The following THRB variants were observed in gnomAD, a reference collection of about 807,000 sequenced individuals.
THRB encodes the protein thyroid hormone receptor beta, also known as nuclear receptor subfamily 1 group A member 2.
Under a neutral mutation model 47.8 loss-of-function variants are expected in THRB, and 12 were observed. That is an observed-to-expected ratio of 0.25 (90% CI 0.16 to 0.41). THRB has a LOEUF of 0.41. Among genes scored for constraint, THRB ranks in the 10% least tolerant of loss-of-function variants. The probability of loss-of-function intolerance (pLI) is 1.00; values close to 1 mark genes in which losing one functional copy is unlikely to be tolerated. For synonymous variants in THRB, 218 were observed against 212.2 expected, an observed-to-expected ratio of 1.03 and a Z score of -0.24; for missense variants, 348 against 589.2, an observed-to-expected ratio of 0.59 and a Z score of 4.24.
intron 1 of THRB, among the ~76,000 whole-genome samples, chr3:24,340,897 T>C (rs926588706): frequency 5.3e-5 from 8 of 152,170 alleles, no homozygotes; most frequent in Non-Finnish European, 1.2e-4. Context: ...AAGCTGTAAA[T>C]CTTCTGATAC....
intron 1 of THRB, among the ~76,000 whole-genome samples, chr3:24,475,726 T>C (rs574532519): frequency 4.6e-5 from 7 of 152,238 alleles, no homozygotes; most frequent in African/African-American, 1.7e-4. Flanking sequence ...GCAAATTATT[T>C]TAAAATTTCC....
chr3:24,367,565 T>C (rs942487712), intron 1 of THRB, among the ~76,000 whole-genome samples: 3 of 152,190 alleles, frequency 2.0e-5, no homozygotes, highest in African/African-American at 7.2e-5. Flanking sequence ...TTCTATGCCA[T>C]CTAGAACTGA....
At chr3:24,228,734 T>A (rs554023062) in intron 4 of THRB, among the ~76,000 whole-genome samples, 7 of 151,974 alleles carry the variant, frequency 4.6e-5, no homozygotes, top group African/African-American at 1.7e-4. Flanking sequence ...TTCCTCTCCA[T>A]CACCTTTCTG....
chr3:24,382,596 T>C (rs2065798030), intron 1 of THRB, among the ~76,000 whole-genome samples: 1 of 151,962 alleles, frequency 6.6e-6, no homozygotes, highest in Non-Finnish European at 1.5e-5. Flanking sequence ...ATCTTCAAAA[T>C]ATACTATTAA....
chr3:24,232,672 G>T (rs755327665), intron 3 of THRB, among the ~76,000 whole-genome samples: 1 of 152,154 alleles, frequency 6.6e-6, no homozygotes, highest in South Asian at 2.1e-4. Context: ...ACCCAATGTG[G>T]GTTTTTAAAG....
chr3:24,440,021 C>A (rs2071377833), intron 1 of THRB, among the ~76,000 whole-genome samples: 1 of 152,200 alleles, frequency 6.6e-6, no homozygotes, highest in Non-Finnish European at 1.5e-5. Flanking sequence ...AAATTAACTT[C>A]ATGATTTAAA....
At chr3:24,123,254 G>T in intron 10 of THRB, 129 bp from the exon 11 acceptor site, 1 of 1,372,066 alleles carries the variant, frequency 7.3e-7, no homozygotes, top group Non-Finnish European at 1.0e-6. Flanking sequence ...GAGCATGGAT[G>T]CAGCGTGAAC....
In THRB at chr3:24,238,934, G is replaced by A. The variant is rs141479567; in HGVS notation, c.-42-9933C>T. Among the ~76,000 whole-genome samples, 93 of 151,158 alleles carry A rather than the reference G, an allele frequency of 6.2e-4. 1 individual carries two copies. The highest frequency in any genetic ancestry group is 2.2e-3 in the African/African-American group (92 of 41,346). On this transcript the variant is annotated intron_variant, in intron 3 of 10. Coordinates refer to ENST00000646209, the MANE Select transcript of THRB (RefSeq NM_001354712.2). ...TCGGAAACTTTGTCTCCATTCTCAC[G>A]CATTAGGTTCTTTTTTTTTTTTTTT...
intron 3 of THRB, among the ~76,000 whole-genome samples, chr3:24,255,981 A>G (rs572000225): frequency 5.6e-4 from 86 of 152,340 alleles, no homozygotes; most frequent in Admixed American, 1.4e-3. Flanking sequence ...CTATTGCTTT[A>G]GAACTGCAGC....
At chr3:24,211,254 A>AT (rs966464600) in intron 4 of THRB, among the ~76,000 whole-genome samples, 2 of 152,076 alleles carry the variant, frequency 1.3e-5, no homozygotes, top group African/African-American at 4.8e-5. Context: ...TTTAAAAGTC[A>AT]TAATACACAT....
intron 1 of THRB, among the ~76,000 whole-genome samples, chr3:24,473,814 C>T (rs565449019): frequency 6.6e-6 from 1 of 152,276 alleles, no homozygotes; most frequent in East Asian, 1.9e-4. Context: ...TGGAAACCAT[C>T]ATTATCAGCA....
intron 1 of THRB, among the ~76,000 whole-genome samples, chr3:24,348,405 T>C (rs1018460372): frequency 6.6e-6 from 1 of 152,068 alleles, no homozygotes; most frequent in African/African-American, 2.4e-5. Context: ...CCCCCTTCTT[T>C]CCTTCCCCTG....
chr3:24,338,765 GA>G (rs2062432514), intron 1 of THRB, among the ~76,000 whole-genome samples: 1 of 152,130 alleles, frequency 6.6e-6, no homozygotes. Flanking sequence ...ATGTTAAAAG[GA>G]AAAATGTATT....
intron 1 of THRB, among the ~76,000 whole-genome samples, chr3:24,369,005 C>T (rs1364296916): frequency 6.6e-6 from 1 of 152,080 alleles, no homozygotes; most frequent in Admixed American, 6.6e-5. Flanking sequence ...AAATTACTTT[C>T]AACTCACTGT....
chr3:24,298,564 G>A (rs968069945), intron 2 of THRB, among the ~76,000 whole-genome samples: 1 of 152,198 alleles, frequency 6.6e-6, no homozygotes, highest in Non-Finnish European at 1.5e-5. Flanking sequence ...AAGAAATACC[G>A]TCTCTGATTT....
At chr3:24,478,281 A>AT (rs1695791044) in intron 1 of THRB, among the ~76,000 whole-genome samples, 1 of 152,090 alleles carries the variant, frequency 6.6e-6, no homozygotes, top group Non-Finnish European at 1.5e-5. Context: ...TTATGTCATC[A>AT]TTTTTTGTAA....
intron 1 of THRB, among the ~76,000 whole-genome samples, chr3:24,339,201 C>A (rs1018646396): frequency 2.0e-5 from 3 of 151,942 alleles, no homozygotes; most frequent in African/African-American, 7.3e-5. Context: ...TTGATTTAGG[C>A]TTTGAGCAAT....
intron 2 of THRB, among the ~76,000 whole-genome samples, chr3:24,302,625 G>A (rs2057028109): frequency 6.6e-6 from 1 of 152,140 alleles, no homozygotes; most frequent in African/African-American, 2.4e-5. Context: ...CTTATTGTAA[G>A]TGAAGCCCTC....
chr3:24,354,051 G>C (rs911919042), intron 1 of THRB, among the ~76,000 whole-genome samples: 1 of 152,116 alleles, frequency 6.6e-6, no homozygotes, highest in Non-Finnish European at 1.5e-5. Context: ...ATCACTGATG[G>C]ACATTTAGGT....
Sources: allele counts gnomAD v4.1 joint callset (sites outside exome capture counted in the v4.1 genomes callset), GRCh38; gene constraint gnomAD v4.1.1; transcripts MANE v1.5; gene names NCBI Gene and HGNC (gene_info 2026-07-23, HGNC 2026-07-21).